LNPK: variants seen among roughly 807,000 people sequenced by gnomAD.
LNPK encodes endoplasmic reticulum junction formation protein lunapark.
Under a neutral mutation model 55.2 loss-of-function variants are expected in LNPK, and 29 were observed. The ratio of observed to expected loss-of-function variants is 0.53; its 90% CI spans 0.39 to 0.72. The LOEUF is 0.72. LNPK is among the 30% of genes least tolerant of loss of function. The probability of loss-of-function intolerance (pLI) is 0.00; values close to 1 mark genes in which losing one functional copy is unlikely to be tolerated. For synonymous variants in LNPK, 162 were observed against 168.2 expected, an observed-to-expected ratio of 0.96 and a Z score of 0.29; for missense variants, 467 against 494.8, an observed-to-expected ratio of 0.94 and a Z score of 0.53.
intron 9 of LNPK, chr2:175,941,020 G>A: frequency 2.2e-6 from 1 of 453,158 alleles, no homozygotes; most frequent in South Asian, 1.6e-5. Flanking sequence ...GGTCGAGGTA[G>A]ACAGATCACT....
rs373479996 is a variant in LNPK, at chr2:175,979,850, T to C, written c.276A>G (p.Thr92=). Residue 92 remains threonine, a synonymous_variant, in exon 5 of 13, where the codon ACA becomes ACG. Coordinates refer to ENST00000272748, the MANE Select transcript of LNPK (RefSeq NM_030650.3). ...TCTTGGAAAAGAAGAAAATAATTACTGTTCTTATGCTCCAGATGCTAAAAG... is the reference window on the plus strand; with the variant it reads ...TCTTGGAAAAGAAGAAAATAATTACCGTTCTTATGCTCCAGATGCTAAAAG... ...AFPLIIWSIR[T]VIIFFFSKRT... 22 of 1,583,632 alleles carry C rather than the reference T, an allele frequency of 1.4e-5. No homozygotes were observed. Among genetic ancestry groups the C allele is most frequent in the Non-Finnish European group, 1.6e-5 (19 of 1,167,312 alleles).
At chr2:175,940,342 G>C (rs964108030) in intron 9 of LNPK, among the ~76,000 whole-genome samples, 1 of 151,724 alleles carries the variant, frequency 6.6e-6, no homozygotes, top group African/African-American at 2.4e-5. Context: ...AAGGCACAGA[G>C]AAAGAACAAC....
At chr2:175,974,063 A>C (rs949412976) in intron 5 of LNPK, among the ~76,000 whole-genome samples, 10 of 152,108 alleles carry the variant, frequency 6.6e-5, no homozygotes, top group Admixed American at 1.3e-4. Flanking sequence ...TCCATTTTAA[A>C]TTTTCTAATT....
chr2:175,950,094 A>C (rs903392906), intron 8 of LNPK, among the ~76,000 whole-genome samples: 3 of 152,116 alleles, frequency 2.0e-5, no homozygotes, highest in African/African-American at 7.2e-5. Context: ...AAAAATCATA[A>C]GGAGCATGCC....
At chr2:175,958,886 T>C (rs1189867874) in intron 8 of LNPK, among the ~76,000 whole-genome samples, 5 of 152,106 alleles carry the variant, frequency 3.3e-5, no homozygotes, top group African/African-American at 7.2e-5. Context: ...AATGACCTGA[T>C]GGAGCTGAAA....
intron 5 of LNPK, among the ~76,000 whole-genome samples, chr2:175,977,762 A>G (rs1686976570): frequency 6.6e-6 from 1 of 152,232 alleles, no homozygotes; most frequent in Non-Finnish European, 1.5e-5. Context: ...ACAACTACAA[A>G]TAATTTTTTA....
At chr2:175,945,815 G>GTTATAGA (rs1685097701) in intron 9 of LNPK, among the ~76,000 whole-genome samples, 1 of 152,098 alleles carries the variant, frequency 6.6e-6, no homozygotes, top group African/African-American at 2.4e-5. Context: ...TTATATGCAT[G>GTTATAGA]CTGTTATAGA....
chr2:176,002,296 C>A (rs1271144259), upstream of LNPK: 1 of 438,230 alleles, frequency 2.3e-6, no homozygotes, highest in Non-Finnish European at 4.5e-6. Context: ...CCCATGAAAC[C>A]CCGCGCTCCA....
At chr2:175,981,318 A>C (rs1484923907) in intron 4 of LNPK, among the ~76,000 whole-genome samples, 1 of 152,236 alleles carries the variant, frequency 6.6e-6, no homozygotes, top group African/African-American at 2.4e-5. Flanking sequence ...CAGTCAAAGA[A>C]GTCTATGAAA....
chr2:176,001,831 C>T (rs943057122), intron 1 of LNPK, among the ~76,000 whole-genome samples: 7 of 152,156 alleles, frequency 4.6e-5, no homozygotes, highest in Admixed American at 4.6e-4. Flanking sequence ...GGCCAAAGAG[C>T]TGGGGCTCAA....
At chr2:175,939,223 C>G (rs138422958) in intron 10 of LNPK, among the ~76,000 whole-genome samples, 2 of 152,136 alleles carry the variant, frequency 1.3e-5, no homozygotes, top group African/African-American at 4.8e-5. Flanking sequence ...AAGTCCAGTA[C>G]TGATACCTAT....
At chr2:175,977,195 T>C (rs1686949326) in intron 5 of LNPK, among the ~76,000 whole-genome samples, 1 of 152,170 alleles carries the variant, frequency 6.6e-6, no homozygotes, top group Non-Finnish European at 1.5e-5. Flanking sequence ...CATTAACAAA[T>C]AGGCAATATC....
intron 9 of LNPK, chr2:175,941,089 A>C (rs1443847511): frequency 2.0e-5 from 8 of 398,250 alleles, no homozygotes; most frequent in Non-Finnish European, 3.0e-5. Context: ...CTCTACAAAA[A>C]AAAATACAAA....
chr2:175,966,303 A>C (rs1034300795), intron 6 of LNPK, among the ~76,000 whole-genome samples: 2 of 152,172 alleles, frequency 1.3e-5, no homozygotes, highest in African/African-American at 2.4e-5. Context: ...GCCTCAAGTG[A>C]TCCACATACC....
At chr2:175,999,534 A>C (rs1371532671) in intron 1 of LNPK, among the ~76,000 whole-genome samples, 1 of 152,144 alleles carries the variant, frequency 6.6e-6, no homozygotes, top group Non-Finnish European at 1.5e-5. Context: ...TTTCTAATCC[A>C]TCTCTCCTTT....
intron 12 of LNPK, chr2:175,935,844 T>C: frequency 6.1e-6 from 2 of 327,176 alleles, no homozygotes; most frequent in Non-Finnish European, 8.8e-6. Context: ...TAACTATCTA[T>C]CTTGACCTTA....
intron 8 of LNPK, among the ~76,000 whole-genome samples, chr2:175,951,605 A>ATATATATATATATATATATATATATC (rs1441190050): frequency 1.5e-5 from 2 of 129,730 alleles, no homozygotes; most frequent in African/African-American, 5.8e-5. Flanking sequence ...ATATATATAT[A>ATATATATATATATATATATATATATC]TATATCTCAG....
intron 5 of LNPK, among the ~76,000 whole-genome samples, chr2:175,978,709 G>C (rs1479421624): frequency 6.6e-6 from 1 of 152,200 alleles, no homozygotes; most frequent in Non-Finnish European, 1.5e-5. Flanking sequence ...TGAGCATGTT[G>C]TATGATTTTC....
At chr2:175,940,763 A>T (rs2360058) in intron 9 of LNPK, among the ~76,000 whole-genome samples, 4 of 152,140 alleles carry the variant, frequency 2.6e-5, no homozygotes, top group African/African-American at 7.2e-5. Flanking sequence ...ACTATATTTC[A>T]TATGTTTGAG....
Sources: allele counts gnomAD v4.1 joint callset (sites outside exome capture counted in the v4.1 genomes callset), GRCh38; gene constraint gnomAD v4.1.1; transcripts MANE v1.5; gene names NCBI Gene and HGNC (gene_info 2026-07-23, HGNC 2026-07-21).